Variants in CLEC16A observed in about 807,000 individuals in gnomAD.
CLEC16A encodes the protein protein CLEC16A.
A neutral mutation model predicts 109.5 loss-of-function variants in CLEC16A; 51 were observed. The ratio of observed to expected loss-of-function variants is 0.47; its 90% confidence interval spans 0.37 to 0.59. The LOEUF is 0.59. Ranked by LOEUF, CLEC16A falls within the 20% of genes least tolerant of loss-of-function variation. The pLI, the probability that CLEC16A is intolerant of heterozygous loss-of-function variation, is 0.00. For missense variants in CLEC16A, 1,339 were observed against 1,394.0 expected (o/e 0.96, Z 0.63); for synonymous variants, 673 against 564.2 (o/e 1.19, Z -2.73).
chr16:11,127,240 T>G (rs2052889720), intron 22 of CLEC16A, among the ~76,000 whole-genome samples: 1 of 152,226 alleles, frequency 6.6e-6, no homozygotes, highest in Admixed American at 6.5e-5. Context: ...TCTTCCTTAA[T>G]AGAAAGTGTC....
At chr16:11,120,130 C>G (rs1218760610) in intron 19 of CLEC16A, among the ~76,000 whole-genome samples, 1 of 152,194 alleles carries the variant, frequency 6.6e-6, no homozygotes, top group East Asian at 1.9e-4. Flanking sequence ...CCACCACACC[C>G]AGCTAATCTT....
chr16:11,152,046 C>T (rs140743886), intron 22 of CLEC16A, among the ~76,000 whole-genome samples: 2 of 152,312 alleles, frequency 1.3e-5, no homozygotes, highest in African/African-American at 4.8e-5. Context: ...TGCTTGAGTA[C>T]TGCCGGCTAG....
intron 19 of CLEC16A, among the ~76,000 whole-genome samples, chr16:11,106,234 G>A (rs556944436): frequency 7.2e-5 from 11 of 152,232 alleles, no homozygotes; most frequent in African/African-American, 2.4e-4. Flanking sequence ...TGAAAGAATT[G>A]TATAGTGAAC....
intron 19 of CLEC16A, among the ~76,000 whole-genome samples, chr16:11,118,844 CT>C (rs1160535679): frequency 2.6e-5 from 4 of 152,126 alleles, no homozygotes; most frequent in African/African-American, 9.7e-5. Context: ...CAGTTTCATT[CT>C]TCTGCGTATG....
intron 19 of CLEC16A, among the ~76,000 whole-genome samples, chr16:11,091,971 G>A (rs1014837220): frequency 2.6e-5 from 4 of 152,090 alleles, no homozygotes; most frequent in Non-Finnish European, 5.9e-5. Context: ...CTTCCCCGTC[G>A]GCTGCCCTCT....
chr16:11,104,119 G>GT (rs1567322526), intron 19 of CLEC16A, among the ~76,000 whole-genome samples: 2 of 151,854 alleles, frequency 1.3e-5, no homozygotes, highest in South Asian at 4.2e-4. Flanking sequence ...GTTTTGGGGG[G>GT]TTTTTTTGAG....
chr16:11,122,024 G>A (rs1361813360), intron 20 of CLEC16A, among the ~76,000 whole-genome samples: 2 of 151,866 alleles, frequency 1.3e-5, no homozygotes, highest in Admixed American at 1.3e-4. Flanking sequence ...GTCCCTGGAT[G>A]TCCAGCTGAC....
In CLEC16A at chr16:11,071,753, ATTTTT is replaced by A. The variant is rs71136611; in HGVS notation, c.2116+10753_2116+10757del. Among the ~76,000 whole-genome samples the A allele has an allele frequency of 4.2e-3, 256 of 61,276 alleles. 1 individual carries two copies. The highest frequency in any genetic ancestry group is 0.019 in the African/African-American group (247 of 13,186). 40.2% of individuals were successfully genotyped at this position (61,276 alleles called of 152,430 possible). On this transcript the variant is annotated intron_variant, in intron 19 of 23. Transcript: ENST00000409790. ...AGATGTGCACCACCACACCTGGCTG[ATTTTT>A]TTTTTTTTTTTTTTTTTTTTTAAGA...
At chr16:11,064,962 G>C (rs1049315016) in intron 19 of CLEC16A, among the ~76,000 whole-genome samples, 2 of 152,160 alleles carry the variant, frequency 1.3e-5, no homozygotes, top group African/African-American at 4.8e-5. Flanking sequence ...GGGCTCCATG[G>C]GGCTGGCATT....
intron 23 of CLEC16A, among the ~76,000 whole-genome samples, chr16:11,167,438 T>C (rs1017587574): frequency 1.5e-4 from 23 of 152,104 alleles, no homozygotes; most frequent in Non-Finnish European, 8.8e-5. Flanking sequence ...GTGGCCCACC[T>C]CTCATTGAGT....
rs537823705 is a variant in CLEC16A at position 11,116,602 on chromosome 16, C to T, written c.2117-4013C>T. Among the ~76,000 whole-genome samples the T allele has an allele frequency of 3.3e-4, 50 of 152,084 alleles. 1 individual carries two copies. Among genetic ancestry groups the T allele is most frequent in the Non-Finnish European group, 7.4e-5 (5 of 67,994 alleles). The stretch of plus-strand genomic sequence containing the variant: ...AGGTTACACTGTCGGAGGATTGAAC[C>T]GAGGCATATGTTGCTGGGGGTTACC... On this transcript the variant is annotated intron_variant, in intron 19 of 23. Transcript: ENST00000409790.
At chr16:11,105,192 T>C (rs778964003) in intron 19 of CLEC16A, among the ~76,000 whole-genome samples, 13 of 152,192 alleles carry the variant, frequency 8.5e-5, no homozygotes, top group Non-Finnish European at 1.6e-4. Flanking sequence ...TGGTCACCGA[T>C]GCATTGTAAG....
At chr16:11,143,857 G>T (rs954280784) in intron 22 of CLEC16A, among the ~76,000 whole-genome samples, 1 of 152,188 alleles carries the variant, frequency 6.6e-6, no homozygotes, top group African/African-American at 2.4e-5. Flanking sequence ...ACCTGGAGTT[G>T]CACAGCTAGT....
chr16:11,048,169 AGAG>A (rs1279319290), intron 17 of CLEC16A: 14 of 152,508 alleles, frequency 9.2e-5, no homozygotes, highest in African/African-American at 3.4e-4. Flanking sequence ...CCACGCTTCT[AGAG>A]GAGGACAGCC....
intron 19 of CLEC16A, among the ~76,000 whole-genome samples, chr16:11,116,201 C>A (rs1360577189): frequency 6.6e-6 from 1 of 151,280 alleles, no homozygotes; most frequent in Non-Finnish European, 1.5e-5. Flanking sequence ...ACCAGCCTGG[C>A]CAACATGGTG....
intron 22 of CLEC16A, among the ~76,000 whole-genome samples, chr16:11,154,651 G>A (rs1428711070): frequency 6.6e-6 from 1 of 152,226 alleles, no homozygotes; most frequent in African/African-American, 2.4e-5. Flanking sequence ...CAGGACAGGC[G>A]TGGGGGCTCA....
At chr16:11,063,175 TAAG>T (rs899264528) in intron 19 of CLEC16A, among the ~76,000 whole-genome samples, 5 of 151,978 alleles carry the variant, frequency 3.3e-5, no homozygotes, top group Non-Finnish European at 5.9e-5. Flanking sequence ...TGTCTTTTGC[TAAG>T]GAGGGCGACT....
intron 7 of CLEC16A, among the ~76,000 whole-genome samples, chr16:10,974,467 G>A (rs2042945644): frequency 6.6e-6 from 1 of 152,128 alleles, no homozygotes. Flanking sequence ...ATTGTTGGGG[G>A]GGCTGTCCTG....
intron 23 of CLEC16A, 148 bp downstream of exon 23, chr16:11,166,700 A>C (rs1343643317): frequency 2.3e-5 from 19 of 842,616 alleles, no homozygotes; most frequent in Middle Eastern, 3.6e-4. Context: ...AAGCCTCTAG[A>C]GATTCCTCTA....
Sources: allele counts gnomAD v4.1 joint callset (sites outside exome capture counted in the v4.1 genomes callset), GRCh38; gene constraint gnomAD v4.1.1; transcripts MANE v1.5; gene names NCBI Gene and HGNC (gene_info 2026-07-23, HGNC 2026-07-21).